The following VAV3 variants were observed in gnomAD, a reference collection of about 807,000 sequenced individuals.
VAV3 encodes guanine nucleotide exchange factor VAV3.
In VAV3, 94 loss-of-function variants were observed where a neutral mutation model predicts 131.2. The observed-to-expected ratio is 0.72, with a 90% confidence interval of 0.61 to 0.85. The LOEUF is 0.85. VAV3 is among the 40% of genes least tolerant of loss of function. The pLI is 0.00. For missense variants in VAV3, 939 were observed against 1,002.7 expected (o/e 0.94, Z 0.86); for synonymous variants, 349 against 342.0 (o/e 1.02, Z -0.22).
chr1:107,676,195 C>T (rs902496462), intron 19 of VAV3, among the ~76,000 whole-genome samples: 26 of 152,198 alleles, frequency 1.7e-4, no homozygotes, highest in Admixed American at 1.1e-3. Context: ...TGTGGACAAG[C>T]TAGTTCAATC....
chr1:107,748,971 G>C lies in VAV3; in HGVS notation c.1499C>G (p.Ala500Gly). The C allele has an allele frequency of 6.3e-7, 1 of 1,584,838 alleles. No homozygotes were observed. Reference sequence around the variant, plus strand: ...TTTTAAAAATAGAAATACTCACAAAGCCATTTCAAACTGTTCTAGCCATTT... The same window carrying C: ...TTTTAAAAATAGAAATACTCACAAACCCATTTCAAACTGTTCTAGCCATTT... ...KKKWLEQFEMALSNIRPDYAD... is the reference protein window; with the variant it reads ...KKKWLEQFEMGLSNIRPDYAD... The change falls in exon 15 of 27, where the codon GCT becomes GGT. Residue 500 changes from alanine to glycine, a missense_variant. Transcript: ENST00000370056.
intron 1 of VAV3, among the ~76,000 whole-genome samples, chr1:107,918,705 A>T (rs28675862): frequency 0.076 from 5,874 of 76,908 alleles, 177 homozygotes; most frequent in African/African-American, 0.12. Flanking sequence ...ATATATATAT[A>T]TTTTTTTTTT....
At chr1:107,606,187 T>C (rs1043922776) in intron 22 of VAV3, among the ~76,000 whole-genome samples, 1 of 152,184 alleles carries the variant, frequency 6.6e-6, no homozygotes, top group African/African-American at 2.4e-5. Context: ...TAGTAATTCA[T>C]AGTTTGGCTA....
chr1:107,834,371 T>G (rs568283118), intron 2 of VAV3, among the ~76,000 whole-genome samples: 1 of 152,158 alleles, frequency 6.6e-6, no homozygotes, highest in South Asian at 2.1e-4. Context: ...CTGGGCCCCA[T>G]GCAGTGCTCT....
chr1:107,807,402 T>C (rs1481425600), intron 2 of VAV3, among the ~76,000 whole-genome samples: 1 of 152,226 alleles, frequency 6.6e-6, no homozygotes, highest in East Asian at 1.9e-4. Flanking sequence ...ATCTGATTTA[T>C]CCTTTGCTCT....
At chr1:107,810,512 A>C (rs1292936663) in intron 2 of VAV3, among the ~76,000 whole-genome samples, 1 of 152,202 alleles carries the variant, frequency 6.6e-6, no homozygotes, top group Non-Finnish European at 1.5e-5. Context: ...GCTATGAGAC[A>C]TGGAAGTTTT....
intron 15 of VAV3, among the ~76,000 whole-genome samples, chr1:107,707,453 C>T (rs893387263): frequency 2.4e-4 from 36 of 152,134 alleles, no homozygotes; most frequent in African/African-American, 8.7e-4. Context: ...ACTGCCTGAC[C>T]CATATTTGGT....
chr1:107,587,520 CT>C (rs1650595126), intron 25 of VAV3, among the ~76,000 whole-genome samples: 2 of 152,126 alleles, frequency 1.3e-5, no homozygotes, highest in Non-Finnish European at 2.9e-5. Flanking sequence ...TATGAAAGCA[CT>C]ATGGTAAATT....
At position 107,905,102 on chromosome 1, in the gene VAV3, G is replaced by A. The variant is rs934144061; in HGVS notation, c.205-30085C>T. On this transcript the variant is annotated intron_variant, in intron 1 of 26. Coordinates refer to ENST00000370056, the MANE Select transcript of VAV3 (RefSeq NM_006113.5). ...GCTTGAGAAGTCAGATTATCTATCC[G>A]AAACTGTTATAAAATGTATACAAGT... Among the ~76,000 whole-genome samples, 11 of 152,134 alleles carry A rather than the reference G, an allele frequency of 7.2e-5. 1 individual carries two copies. The highest frequency in any genetic ancestry group is 1.3e-4 in the Admixed American group (2 of 15,278).
intron 25 of VAV3, among the ~76,000 whole-genome samples, chr1:107,591,548 T>C (rs747311862): frequency 2.6e-5 from 4 of 152,136 alleles, no homozygotes; most frequent in Non-Finnish European, 4.4e-5. Flanking sequence ...CTGAAATCAA[T>C]GGACCAGACG....
At chr1:107,726,777 T>C (rs553918410) in intron 15 of VAV3, among the ~76,000 whole-genome samples, 2 of 152,354 alleles carry the variant, frequency 1.3e-5, no homozygotes, top group South Asian at 4.1e-4. Context: ...TTTAGCATCA[T>C]TATATTTCTA....
intron 17 of VAV3, among the ~76,000 whole-genome samples, chr1:107,703,591 G>T (rs937720767): frequency 6.6e-6 from 1 of 152,192 alleles, no homozygotes; most frequent in Admixed American, 6.5e-5. Flanking sequence ...GATCTCAGTC[G>T]TCTAATAGGA....
chr1:107,844,919 G>A (rs1410658727), intron 2 of VAV3, among the ~76,000 whole-genome samples: 1 of 152,340 alleles, frequency 6.6e-6, no homozygotes, highest in South Asian at 2.1e-4. Flanking sequence ...GCTCTGAAGA[G>A]AGTGGTAGAT....
At chr1:107,686,394 G>A (rs535582613) in intron 18 of VAV3, among the ~76,000 whole-genome samples, 2 of 151,940 alleles carry the variant, frequency 1.3e-5, no homozygotes, top group African/African-American at 4.8e-5. Flanking sequence ...AGAGAAAGAA[G>A]GTCTTCAAGA....
At chr1:107,775,520 G>A (rs139575806) in intron 4 of VAV3, among the ~76,000 whole-genome samples, 1,799 of 131,570 alleles carry the variant, frequency 0.014, 33 homozygotes, top group African/African-American at 0.049. Context: ...GGAGGTTGCA[G>A]TGAGCTGAGA....
chr1:107,680,875 T>C (rs1347759474), intron 19 of VAV3, among the ~76,000 whole-genome samples: 1 of 152,142 alleles, frequency 6.6e-6, no homozygotes, highest in Non-Finnish European at 1.5e-5. Context: ...CCAGGCAACA[T>C]GGCTCAGAGC....
chr1:107,656,678 A>G (rs995545479), intron 19 of VAV3, among the ~76,000 whole-genome samples: 1 of 152,154 alleles, frequency 6.6e-6, no homozygotes, highest in African/African-American at 2.4e-5. Flanking sequence ...TGATGTGACT[A>G]TATCAGTGTA....
At chr1:107,687,285 A>G (rs548775414) in intron 18 of VAV3, among the ~76,000 whole-genome samples, 5 of 152,280 alleles carry the variant, frequency 3.3e-5, no homozygotes, top group Admixed American at 2.0e-4. Flanking sequence ...TTGATATCCT[A>G]TATGTTCAAA....
At chr1:107,960,104 T>G (rs1229405530) in intron 1 of VAV3, among the ~76,000 whole-genome samples, 2 of 152,232 alleles carry the variant, frequency 1.3e-5, no homozygotes, top group African/African-American at 4.8e-5. Flanking sequence ...AATGATGTAT[T>G]AGCCTGGCCA....
Sources: gnomAD v4.1 joint callset for allele counts (sites outside exome capture counted in the v4.1 genomes callset) on GRCh38, gnomAD v4.1.1 for gene constraint, MANE v1.5 for transcripts, NCBI Gene and HGNC (gene_info 2026-07-23, HGNC 2026-07-21) for gene names.